Variants in SOBP observed in about 807,000 individuals in gnomAD.
SOBP encodes the protein sine oculis binding protein homolog.
SOBP carries 4 observed loss-of-function variants against 53.6 expected under a neutral mutation model. That is an observed-to-expected ratio of 0.07 (90% CI 0.04 to 0.17). The LOEUF is 0.17. SOBP is among the 10% of genes least tolerant of loss of function. SOBP has a pLI of 1.00. For missense variants in SOBP, 1,088 were observed against 1,204.7 expected (o/e 0.90, Z 1.43); for synonymous variants, 584 against 522.6 (o/e 1.12, Z -1.60).
At chr6:107,640,267 C>A (rs1771249619) in intron 6 of SOBP, among the ~76,000 whole-genome samples, 1 of 152,144 alleles carries the variant, frequency 6.6e-6, no homozygotes, top group Admixed American at 6.5e-5. Flanking sequence ...CTATAGGTGC[C>A]TACTTTTAAA....
intron 4 of SOBP, among the ~76,000 whole-genome samples, chr6:107,579,338 C>A (rs1235943836): frequency 6.6e-6 from 1 of 152,146 alleles, no homozygotes; most frequent in African/African-American, 2.4e-5. Flanking sequence ...AATAACAATT[C>A]TTACCAAACA....
intron 5 of SOBP, among the ~76,000 whole-genome samples, chr6:107,591,704 T>C (rs1418921946): frequency 6.6e-6 from 1 of 152,080 alleles, no homozygotes; most frequent in Non-Finnish European, 1.5e-5. Flanking sequence ...TCCTATCGAG[T>C]CTGGATTTTA....
At chr6:107,623,377 G>A (rs573517579) in intron 5 of SOBP, among the ~76,000 whole-genome samples, 2 of 152,298 alleles carry the variant, frequency 1.3e-5, no homozygotes, top group African/African-American at 4.8e-5. Context: ...TTTAGAGCAA[G>A]TCATGTAATA....
intron 5 of SOBP, among the ~76,000 whole-genome samples, chr6:107,627,951 A>C (rs1379695751): frequency 6.6e-6 from 1 of 152,178 alleles, no homozygotes; most frequent in African/African-American, 2.4e-5. Context: ...TCAAGTGAAC[A>C]TTCTGCCATG....
chr6:107,570,132 GT>G (rs895919621), intron 4 of SOBP, among the ~76,000 whole-genome samples: 59 of 152,304 alleles, frequency 3.9e-4, no homozygotes, highest in African/African-American at 1.4e-3. Context: ...GCAAGTTGGT[GT>G]TTTTTCCTTC....
intron 3 of SOBP, among the ~76,000 whole-genome samples, chr6:107,524,578 G>GT: frequency 6.6e-6 from 1 of 152,216 alleles, no homozygotes; most frequent in Non-Finnish European, 1.5e-5. Context: ...TTTGATGCAA[G>GT]TAACAGACAC....
intron 1 of SOBP, among the ~76,000 whole-genome samples, chr6:107,494,831 C>A (rs368744122): frequency 6.6e-6 from 1 of 152,162 alleles, no homozygotes; most frequent in African/African-American, 2.4e-5. Context: ...AGTAAACTTA[C>A]CACAAGATTT....
Position 107,634,250 on chromosome 6 carries a change from C to T in SOBP, c.1406C>T (p.Pro469Leu). The change falls in exon 6 of 7, where the codon CCC (proline) becomes CTC (leucine). Residue 469 changes from proline (P) to leucine (L), a missense_variant. This residue lies in a region of SOBP where 665 missense variants were observed against 629.7 expected (regional missense o/e 1.06). Transcript: ENST00000317357. This position sits in a 1 kb window ranked among gnomAD's most constrained non-coding sequence, Gnocchi z 4.5. ...HIHPPSTPTM[P>L]GNPPGLLPPP... is the part of the protein sequence containing the mutation. ...CACCCCCCGAGCACCCCCACCATGC[C>T]CGGGAACCCCCCAGGCCTGCTGCCC... 2 of 1,573,762 alleles carry T rather than the reference C, an allele frequency of 1.3e-6. No individual in the cohort carries two copies. The highest frequency in any genetic ancestry group is 1.7e-6 in the Non-Finnish European group (2 of 1,165,604).
chr6:107,595,159 A>G (rs1785898884), intron 5 of SOBP, among the ~76,000 whole-genome samples: 1 of 152,206 alleles, frequency 6.6e-6, no homozygotes, highest in African/African-American at 2.4e-5. Context: ...ATTTATTCAG[A>G]AAGTCATGGC....
chr6:107,493,952 T>C (rs1266895479), intron 1 of SOBP, among the ~76,000 whole-genome samples: 1 of 152,226 alleles, frequency 6.6e-6, no homozygotes, highest in Non-Finnish European at 1.5e-5. Flanking sequence ...AAATTTAAAT[T>C]TGATACAATA....
intron 3 of SOBP, chr6:107,529,653 A>G (rs763202099): frequency 1.1e-5 from 11 of 981,284 alleles, no homozygotes; most frequent in Non-Finnish European, 1.3e-5. Flanking sequence ...AAATGCCCCA[A>G]GAAGATCACT....
chr6:107,496,768 G>T (rs1410559010), intron 1 of SOBP, among the ~76,000 whole-genome samples: 2 of 152,232 alleles, frequency 1.3e-5, no homozygotes, highest in Admixed American at 1.3e-4. Flanking sequence ...TGGGTCATCT[G>T]TGGGGGTGGC....
intron 3 of SOBP, among the ~76,000 whole-genome samples, chr6:107,532,407 A>G (rs1783858468): frequency 6.6e-6 from 1 of 150,754 alleles, no homozygotes; most frequent in African/African-American, 2.4e-5. Context: ...ACCCCCACCC[A>G]CCCCTCAGAG....
chr6:107,524,162 T>C (rs1233953884), intron 3 of SOBP, among the ~76,000 whole-genome samples: 1 of 152,240 alleles, frequency 6.6e-6, no homozygotes, highest in East Asian at 1.9e-4. Context: ...CTGCCACTTT[T>C]GTATCTCTTT....
At position 107,605,265 on chromosome 6, in the gene SOBP, A is replaced by C. The variant is rs28609011; in HGVS notation, c.669+18090A>C. Among the ~76,000 whole-genome samples the C allele has an allele frequency of 0.01, 1,545 of 152,360 alleles. 98 individuals carry two copies. In the East Asian group the frequency reaches 0.16, roughly 15 times the overall value. The stretch of plus-strand genomic sequence containing the variant: ...AAGTCAAAGGAGGGCTGACACTTGT[A>C]CCAGAATATTAAAGACCAGGCAACC... On this transcript the variant is annotated intron_variant, in intron 5 of 6. Transcript: ENST00000317357.
intron 4 of SOBP, among the ~76,000 whole-genome samples, chr6:107,550,730 C>T (rs561093269): frequency 1.1e-4 from 16 of 152,182 alleles, no homozygotes; most frequent in Admixed American, 2.6e-4. Context: ...GAAAAAAGGA[C>T]GGTGAGGCTC....
chr6:107,545,101 G>A lies in SOBP; in HGVS notation c.573+11491G>A, dbSNP rs554309410. 5.3e-5 allele frequency among the ~76,000 whole-genome samples: 8 copies of A among 152,300 alleles called. No homozygotes were observed. The South Asian group carries it at 1.5e-3, about 28-fold the overall frequency. On this transcript the variant is annotated intron_variant, in intron 4 of 6. Coordinates refer to ENST00000317357, the MANE Select transcript of SOBP (RefSeq NM_018013.4). ...AGCAGAGAAAAGATTGGGCAAAAAT[G>A]CACTGATTTGAGAGAGGAGAATAGT...
intron 3 of SOBP, among the ~76,000 whole-genome samples, chr6:107,531,310 A>G (rs12214194): frequency 0.019 from 2,826 of 152,308 alleles, 43 homozygotes; most frequent in East Asian, 0.055. Flanking sequence ...TACAGATTTC[A>G]CCAGAATCAA....
chr6:107,544,393 TG>T (rs1784236902), intron 4 of SOBP, among the ~76,000 whole-genome samples: 1 of 152,242 alleles, frequency 6.6e-6, no homozygotes, highest in Non-Finnish European at 1.5e-5. Flanking sequence ...CAACAAAACC[TG>T]GTCCTTGCTC....
Sources: gnomAD v4.1 joint callset for allele counts (sites outside exome capture counted in the v4.1 genomes callset) on GRCh38, gnomAD v4.1.1 for gene constraint, gnomAD v4.1.1 regional missense constraint, Gnocchi (gnomAD v3.1) non-coding constraint, MANE v1.5 for transcripts, NCBI Gene and HGNC (gene_info 2026-07-23, HGNC 2026-07-21) for gene names.